PRR16: variants seen among roughly 807,000 people sequenced by gnomAD.
The protein encoded by PRR16 is proline rich 16, also known as protein Largen.
A neutral mutation model predicts 18.2 loss-of-function variants in PRR16; 6 were observed. That is an observed-to-expected ratio of 0.33 (90% confidence interval 0.18 to 0.65). The LOEUF is 0.65. Among genes scored for constraint, PRR16 ranks in the 30% least tolerant of loss-of-function variants. The pLI, the probability that PRR16 is intolerant of heterozygous loss-of-function variation, is 0.74. For missense variants in PRR16, 412 were observed against 376.6 expected (o/e 1.09, Z -0.78); for synonymous variants, 151 against 147.8 (o/e 1.02, Z -0.16).
the PRR16 span, among the ~76,000 whole-genome samples, chr5:120,757,981 A>C: frequency 6.6e-6 from 1 of 151,906 alleles, no homozygotes; most frequent in Non-Finnish European, 1.5e-5. Context: ...ATTACATGTA[A>C]ATTTAGAATG....
At chr5:120,740,097 ATTAC>A in the PRR16 span, among the ~76,000 whole-genome samples, 1 of 152,132 alleles carries the variant, frequency 6.6e-6, no homozygotes, top group Non-Finnish European at 1.5e-5. Context: ...GACAATGATT[ATTAC>A]TTCTAAAATA....
At chr5:120,779,635 A>T in the PRR16 span, among the ~76,000 whole-genome samples, 13 of 152,280 alleles carry the variant, frequency 8.5e-5, no homozygotes, top group Admixed American at 8.5e-4. Flanking sequence ...TTTATACTGT[A>T]GTACTTTTTA....
At position 120,642,916 on chromosome 5, in the gene PRR16, C is replaced by T. The variant is rs565693639; in HGVS notation, c.160-43038C>T. On this transcript the variant is annotated intron_variant, in intron 1 of 1. Transcript: ENST00000407149. The stretch of plus-strand genomic sequence containing the variant: ...CTAAGACACTTGGTGAGGCCAATTG[C>T]TGGTTTCCATGTCTTCATTCTTGAT... Among the ~76,000 whole-genome samples, 8 of 152,178 alleles carry T rather than the reference C, an allele frequency of 5.3e-5. No individual in the cohort carries two copies. In the South Asian group the frequency reaches 1.7e-3, roughly 32 times the overall value.
chr5:120,743,481 T>C, the PRR16 span, among the ~76,000 whole-genome samples: 7,081 of 152,160 alleles, frequency 0.047, 577 homozygotes, highest in African/African-American at 0.16. Flanking sequence ...CCTTAGAATT[T>C]CAGAGTTATT....
At chr5:120,637,801 C>T (rs963550737) in intron 1 of PRR16, among the ~76,000 whole-genome samples, 1 of 152,124 alleles carries the variant, frequency 6.6e-6, no homozygotes, top group African/African-American at 2.4e-5. Context: ...TGCCACCACA[C>T]TCCAGCCTGG....
intron 1 of PRR16, among the ~76,000 whole-genome samples, chr5:120,543,206 T>A (rs1751970387): frequency 6.6e-6 from 1 of 152,192 alleles, no homozygotes; most frequent in Non-Finnish European, 1.5e-5. Flanking sequence ...GTAAAATACT[T>A]GCTTGGGAAA....
chr5:120,762,234 C>T, the PRR16 span, among the ~76,000 whole-genome samples: 61,813 of 151,866 alleles, frequency 0.41, 12,821 homozygotes, highest in African/African-American at 0.48. Context: ...AAATATCCAG[C>T]AGTGGAGATG....
intron 1 of PRR16, among the ~76,000 whole-genome samples, chr5:120,646,112 T>G (rs1465599193): frequency 6.9e-6 from 1 of 145,630 alleles, no homozygotes; most frequent in East Asian, 2.1e-4. Context: ...ATTATTGAAG[T>G]GTTATTGAAA....
intron 1 of PRR16, among the ~76,000 whole-genome samples, chr5:120,620,657 C>G (rs1197789275): frequency 6.6e-6 from 1 of 152,010 alleles, no homozygotes; most frequent in Non-Finnish European, 1.5e-5. Context: ...CTCTGGCCAC[C>G]TCTCATTAGT....
At chr5:120,510,434 A>T (rs1750790783) in intron 1 of PRR16, among the ~76,000 whole-genome samples, 1 of 152,222 alleles carries the variant, frequency 6.6e-6, no homozygotes, top group South Asian at 2.1e-4. Context: ...ATGAAAAATT[A>T]CTGCCTGGCA....
At chr5:120,478,910 A>C (rs1749524708) in intron 1 of PRR16, among the ~76,000 whole-genome samples, 1 of 152,074 alleles carries the variant, frequency 6.6e-6, no homozygotes, top group Admixed American at 6.6e-5. Context: ...CTGGAAAATG[A>C]CATTTAAAAA....
At chr5:120,593,207 A>C (rs946640942) in intron 1 of PRR16, among the ~76,000 whole-genome samples, 2 of 152,046 alleles carry the variant, frequency 1.3e-5, no homozygotes, top group African/African-American at 2.4e-5. Context: ...AACCATACAA[A>C]AGATGAAGAA....
chr5:120,517,261 C>T (rs939138180), intron 1 of PRR16, among the ~76,000 whole-genome samples: 5 of 152,156 alleles, frequency 3.3e-5, no homozygotes, highest in African/African-American at 1.2e-4. Flanking sequence ...TAGAGTAGTA[C>T]AATCAATGCA....
At chr5:120,637,108 G>T (rs988009049) in intron 1 of PRR16, among the ~76,000 whole-genome samples, 7 of 151,846 alleles carry the variant, frequency 4.6e-5, no homozygotes, top group African/African-American at 1.7e-4. Flanking sequence ...TGCAAGAATG[G>T]CCATAATCAA....
the PRR16 span, among the ~76,000 whole-genome samples, chr5:120,742,121 T>C: frequency 1.3e-5 from 2 of 152,030 alleles, no homozygotes; most frequent in Non-Finnish European, 2.9e-5. Flanking sequence ...ATTTCTTTTA[T>C]ACAATATATA....
At chr5:120,500,566 T>G (rs1722394155) in intron 1 of PRR16, among the ~76,000 whole-genome samples, 1 of 152,178 alleles carries the variant, frequency 6.6e-6, no homozygotes, top group African/African-American at 2.4e-5. Context: ...AAAAATAAAA[T>G]TTTGCCTAAA....
At chr5:120,612,347 A>G (rs571742048) in intron 1 of PRR16, among the ~76,000 whole-genome samples, 117 of 152,244 alleles carry the variant, frequency 7.7e-4, no homozygotes, top group Middle Eastern at 3.4e-3. Flanking sequence ...ATGTGAGGAC[A>G]TGAGATTTGG....
At chr5:120,573,999 A>G (rs1292334927) in intron 1 of PRR16, among the ~76,000 whole-genome samples, 1 of 152,070 alleles carries the variant, frequency 6.6e-6, no homozygotes, top group African/African-American at 2.4e-5. Flanking sequence ...TACAGAGTAT[A>G]GAAAAAAAGA....
At chr5:120,646,021 C>T (rs1057381031) in intron 1 of PRR16, among the ~76,000 whole-genome samples, 1 of 111,334 alleles carries the variant, frequency 9.0e-6, no homozygotes, top group Non-Finnish European at 1.9e-5. Context: ...TGAAGATAAG[C>T]TCAAATTACA....
Sources: gnomAD v4.1 joint callset for allele counts (sites outside exome capture counted in the v4.1 genomes callset) on GRCh38, gnomAD v4.1.1 for gene constraint, MANE v1.5 for transcripts, NCBI Gene and HGNC (gene_info 2026-07-23, HGNC 2026-07-21) for gene names.